Variants in FSTL5 observed in about 807,000 individuals in gnomAD.
The protein encoded by FSTL5 is follistatin-related protein 5.
Under a neutral mutation model 89.1 loss-of-function variants are expected in FSTL5, and 62 were observed. That is an observed-to-expected ratio of 0.70 (90% CI 0.57 to 0.86). FSTL5 has a LOEUF of 0.86. Among genes scored for constraint, FSTL5 ranks in the 40% least tolerant of loss-of-function variants. The probability of loss-of-function intolerance (pLI) is 0.00; values close to 1 mark genes in which losing one functional copy is unlikely to be tolerated. For synonymous variants in FSTL5, 383 were observed against 346.2 expected, an observed-to-expected ratio of 1.11 and a Z score of -1.18; for missense variants, 1,057 against 1,001.6, an observed-to-expected ratio of 1.06 and a Z score of -0.75.
chr4:161,501,899 C>T (rs1434321506), intron 11 of FSTL5, among the ~76,000 whole-genome samples: 1 of 151,952 alleles, frequency 6.6e-6, no homozygotes, highest in East Asian at 1.9e-4. Context: ...TAAACATTAA[C>T]ATATAAATAA....
At chr4:161,519,522 T>C (rs1473346220) in intron 10 of FSTL5, among the ~76,000 whole-genome samples, 2 of 147,850 alleles carry the variant, frequency 1.4e-5, no homozygotes, top group South Asian at 2.2e-4. Context: ...CAAGACTCTA[T>C]CTCAAAACAA....
At chr4:161,422,505 A>G (rs1578961231) in intron 15 of FSTL5, among the ~76,000 whole-genome samples, 1 of 152,184 alleles carries the variant, frequency 6.6e-6, no homozygotes, top group Non-Finnish European at 1.5e-5. Flanking sequence ...CTCGGAAACT[A>G]GGAAGTTTTG....
chr4:161,998,846 AAC>A (rs1289091995), intron 3 of FSTL5, among the ~76,000 whole-genome samples: 2 of 120,258 alleles, frequency 1.7e-5, no homozygotes, highest in Non-Finnish European at 3.4e-5. Context: ...GAAGCAGTTA[AAC>A]ACACACACAA....
chr4:161,437,779 T>C (rs1732621129), intron 15 of FSTL5, among the ~76,000 whole-genome samples: 1 of 152,094 alleles, frequency 6.6e-6, no homozygotes, highest in African/African-American at 2.4e-5. Flanking sequence ...AGAAGTGAGA[T>C]GGTGGATGGA....
chr4:161,568,128 T>A (rs1305040244), intron 8 of FSTL5, among the ~76,000 whole-genome samples: 1 of 151,910 alleles, frequency 6.6e-6, no homozygotes, highest in Non-Finnish European at 1.5e-5. Flanking sequence ...GAGTCCATAT[T>A]TGCCATATAT....
chr4:162,034,410 T>C (rs1056201695), intron 2 of FSTL5, among the ~76,000 whole-genome samples: 2 of 152,126 alleles, frequency 1.3e-5, no homozygotes, highest in Admixed American at 1.3e-4. Context: ...CTGTCTTTGC[T>C]TTAGTTTAAC....
chr4:161,526,348 T>C (rs1560938029), intron 10 of FSTL5, among the ~76,000 whole-genome samples: 2 of 152,198 alleles, frequency 1.3e-5, no homozygotes, highest in Non-Finnish European at 2.9e-5. Flanking sequence ...AAAATTTCAC[T>C]ATTGTAGAAT....
chr4:161,405,164 C>A (rs1301840389), intron 15 of FSTL5, among the ~76,000 whole-genome samples: 1 of 151,320 alleles, frequency 6.6e-6, no homozygotes, highest in African/African-American at 2.4e-5. Flanking sequence ...ACCCGGGAGG[C>A]AGAAGTTGCA....
At chr4:161,983,379 G>C (rs1017402331) in intron 3 of FSTL5, among the ~76,000 whole-genome samples, 10 of 152,046 alleles carry the variant, frequency 6.6e-5, no homozygotes, top group Non-Finnish European at 8.8e-5. Context: ...CCTAGCTTTT[G>C]TTTACAAAGG....
Position 162,053,363 on chromosome 4 carries a change from T to C in FSTL5, c.127-19705A>G, listed in dbSNP as rs545071865. ...CTCAAGAAATAAGTTAAAATGGTCTTTTTTTAGTAACGCCTTAAGGTCCTT... is the reference window on the plus strand; with the variant it reads ...CTCAAGAAATAAGTTAAAATGGTCTCTTTTTAGTAACGCCTTAAGGTCCTT... On this transcript the variant is annotated intron_variant, in intron 2 of 15. Transcript: ENST00000306100. Among the ~76,000 whole-genome samples the C allele has an allele frequency of 1.1e-4, 17 of 151,924 alleles. No homozygotes were observed. The East Asian group carries it at 2.1e-3, about 19-fold the overall frequency.
At chr4:161,730,787 G>T (rs904478604) in intron 6 of FSTL5, among the ~76,000 whole-genome samples, 3 of 152,158 alleles carry the variant, frequency 2.0e-5, no homozygotes, top group Admixed American at 6.5e-5. Flanking sequence ...AAAGCATAGA[G>T]ATTTTAGAGT....
intron 9 of FSTL5, among the ~76,000 whole-genome samples, chr4:161,539,902 C>CT (rs11326261): frequency 7.9e-6 from 1 of 127,336 alleles, no homozygotes; most frequent in African/African-American, 3.0e-5. Flanking sequence ...AAAATCATAC[C>CT]TTTTTTTTTT....
chr4:162,013,797 CTT>C (rs111692343), intron 3 of FSTL5, among the ~76,000 whole-genome samples: 2 of 144,544 alleles, frequency 1.4e-5, no homozygotes, highest in African/African-American at 5.1e-5. Context: ...TGTATGGTGA[CTT>C]TTTTTTTTTT....
chr4:161,942,975 A>T (rs1734632497), intron 3 of FSTL5, among the ~76,000 whole-genome samples: 1 of 152,232 alleles, frequency 6.6e-6, no homozygotes, highest in Admixed American at 6.5e-5. Context: ...AATTCGGCAA[A>T]GCTGCAGAAC....
At chr4:161,992,535 A>G (rs1564711) in intron 3 of FSTL5, among the ~76,000 whole-genome samples, 1 of 151,450 alleles carries the variant, frequency 6.6e-6, no homozygotes, top group Non-Finnish European at 1.5e-5. Context: ...AAGGTGTGAG[A>G]GGTCTTTAGA....
chr4:161,601,344 A>AAAAAAAAAAAAG (rs1734229666), intron 7 of FSTL5, among the ~76,000 whole-genome samples: 1 of 151,352 alleles, frequency 6.6e-6, no homozygotes, highest in Non-Finnish European at 1.5e-5. Context: ...AAAAAAAAAA[A>AAAAAAAAAAAAG]AAAAAAGGCA....
intron 6 of FSTL5, among the ~76,000 whole-genome samples, chr4:161,728,288 A>C (rs2126759495): frequency 6.6e-6 from 1 of 152,300 alleles, no homozygotes; most frequent in East Asian, 1.9e-4. Context: ...AATGATAAAG[A>C]CAAAAACACT....
rs1561000574 is a variant in FSTL5 at position 162,066,361 on chromosome 4, TCTTCTTCTTCTC to T, written c.127-32715_127-32704del. On this transcript the variant is annotated intron_variant, in intron 2 of 15. Transcript: ENST00000306100. ...TTCTTCTTCTTCTTCTTCTCCTTCT[TCTTCTTCTTCTC>T]CTTCTTCTTCTTCTTCATTTTCCTT... Among the ~76,000 whole-genome samples the T allele has an allele frequency of 2.4e-3, 332 of 136,514 alleles. 2 individuals carry two copies. Among genetic ancestry groups the T allele is most frequent in the South Asian group, 8.2e-3 (32 of 3,898 alleles). 89.6% of individuals were successfully genotyped at this position (136,514 alleles called of 152,430 possible). A position where few individuals can be genotyped will look rare whatever the true frequency, so the allele number is the denominator to read the frequency against.
intron 15 of FSTL5, 118 bp from the exon 16 acceptor site, chr4:161,386,567 A>G (rs1368798886): frequency 4.5e-6 from 3 of 661,072 alleles, no homozygotes; most frequent in Non-Finnish European, 7.8e-6. Flanking sequence ...CGAGGCAGCA[A>G]TTTGTGTTAC....
Sources: gnomAD v4.1 joint callset for allele counts (sites outside exome capture counted in the v4.1 genomes callset) on GRCh38, gnomAD v4.1.1 for gene constraint, MANE v1.5 for transcripts, NCBI Gene and HGNC (gene_info 2026-07-23, HGNC 2026-07-21) for gene names.